The following MYCBP2 variants were observed in gnomAD, a reference collection of about 807,000 sequenced individuals.
MYCBP2 encodes the protein MYC binding protein 2, also known as E3 ubiquitin-protein ligase MYCBP2.
A neutral mutation model predicts 525.3 loss-of-function variants in MYCBP2; 120 were observed. The ratio of observed to expected loss-of-function variants is 0.23; its 90% CI spans 0.20 to 0.27. The LOEUF (loss-of-function observed/expected upper bound fraction) is 0.27. Ranked by LOEUF, MYCBP2 falls within the 10% of genes least tolerant of loss-of-function variation. MYCBP2 has a pLI of 1.00. For missense variants in MYCBP2, 4,149 were observed against 5,657.1 expected, an observed-to-expected ratio of 0.73 and a Z score of 8.55; for synonymous variants, 1,894 against 1,955.8, an observed-to-expected ratio of 0.97 and a Z score of 0.83.
At chr13:77,174,143 T>TCC (rs1662040717) in intron 37 of MYCBP2, among the ~76,000 whole-genome samples, 168 bp downstream of exon 37, 3 of 152,250 alleles carry the variant, frequency 2.0e-5, no homozygotes, top group Admixed American at 1.3e-4. Flanking sequence ...AAACATTGAA[T>TCC]TTATATATTA....
At chr13:77,152,595 T>C (rs911038366) in intron 46 of MYCBP2, among the ~76,000 whole-genome samples, 4 of 152,118 alleles carry the variant, frequency 2.6e-5, no homozygotes, top group African/African-American at 9.7e-5. Context: ...AAGAGACAAG[T>C]GGCGAATACC....
At chr13:77,163,175 T>C (rs1483630265) in intron 43 of MYCBP2, among the ~76,000 whole-genome samples, 1 of 152,176 alleles carries the variant, frequency 6.6e-6, no homozygotes. Context: ...GCTATATTAA[T>C]CCACCCTTCA....
chr13:77,251,145 T>C lies in MYCBP2; in HGVS notation c.2381+6A>G. 6.2e-7 allele frequency: 1 copy of C among 1,613,284 alleles called. No individual in the cohort carries two copies. Among genetic ancestry groups the C allele is most frequent in the Non-Finnish European group, 8.5e-7 (1 of 1,179,846 alleles). On this transcript the variant is annotated splice_donor_region_variant and intron_variant, in intron 15 of 82. Coordinates refer to ENST00000544440, the MANE Select transcript of MYCBP2 (RefSeq NM_015057.5). ...ATGTTCTTTAGTAGGAATCATTGTC[T>C]CTTACCCTCCGGGGACTCTGTCTGG...
intron 1 of MYCBP2, among the ~76,000 whole-genome samples, chr13:77,304,585 C>G (rs1467065492): frequency 6.6e-6 from 1 of 152,032 alleles, no homozygotes; most frequent in Non-Finnish European, 1.5e-5. Flanking sequence ...CAACTTCAAA[C>G]AGCTAGAAGA....
intron 52 of MYCBP2, among the ~76,000 whole-genome samples, chr13:77,133,602 G>A (rs2053266470): frequency 6.6e-6 from 1 of 152,144 alleles, no homozygotes; most frequent in South Asian, 2.1e-4. Flanking sequence ...AAAGAAGTAA[G>A]CCTTCTCTAC....
intron 35 of MYCBP2, among the ~76,000 whole-genome samples, chr13:77,176,983 C>T (rs931757680): frequency 2.6e-5 from 4 of 152,016 alleles, no homozygotes; most frequent in African/African-American, 9.7e-5. Flanking sequence ...GATTTACATG[C>T]TACCCCATCT....
At chr13:77,200,696 A>G (rs1243190136) in intron 26 of MYCBP2, among the ~76,000 whole-genome samples, 25 of 152,342 alleles carry the variant, frequency 1.6e-4, no homozygotes, top group African/African-American at 3.8e-4. Flanking sequence ...CGGATCTCTC[A>G]GCAGAAACTC....
intron 29 of MYCBP2, among the ~76,000 whole-genome samples, chr13:77,189,963 G>T (rs1384724803): frequency 6.6e-6 from 1 of 152,050 alleles, no homozygotes; most frequent in Non-Finnish European, 1.5e-5. Flanking sequence ...AAATTAGTAA[G>T]AAAATCAATG....
chr13:77,217,881 G>C lies in MYCBP2; in HGVS notation c.3016C>G (p.Leu1006Val). 1.9e-6 allele frequency: 3 copies of C among 1,610,440 alleles called. 1 individual carries two copies. The highest frequency in any genetic ancestry group is 2.5e-6 in the Non-Finnish European group (3 of 1,178,316). Residue 1006 changes from leucine to valine, a missense_variant, in exon 21 of 83, where the codon CTT becomes GTT. By Grantham distance (32) the Leu-to-Val change is conservative. Coordinates refer to ENST00000544440, the MANE Select transcript of MYCBP2 (RefSeq NM_015057.5). Reference protein sequence around the residue: ...VTAGSNHTAVLLMDGQVFTFG... With the variant: ...VTAGSNHTAVVLMDGQVFTFG... ...GTGAAGACCTGTCCATCCATTAAAA[G>C]TACTGCCGTATGGTTGCTGCCTGCA...
chr13:77,288,073 A>G (rs2077071537), intron 3 of MYCBP2, 88 bp downstream of exon 3: 1 of 1,306,932 alleles, frequency 7.7e-7, no homozygotes, highest in Admixed American at 2.2e-5. Context: ...TACATAAAGC[A>G]AAGTATTTTA....
chr13:77,257,610 T>G, intron 14 of MYCBP2, 61 bp downstream of exon 14: 1 of 1,435,732 alleles, frequency 7.0e-7, no homozygotes, highest in African/African-American at 1.4e-5. Flanking sequence ...TTCACTATGT[T>G]GTTCTGAAAA....
intron 24 of MYCBP2, among the ~76,000 whole-genome samples, chr13:77,206,162 A>G (rs941651187): frequency 1.3e-5 from 2 of 152,022 alleles, no homozygotes; most frequent in African/African-American, 2.4e-5. Context: ...ATTTCCAGTT[A>G]CAAAATAATA....
intron 62 of MYCBP2, among the ~76,000 whole-genome samples, chr13:77,085,758 T>C (rs1594382428): frequency 6.6e-6 from 1 of 152,112 alleles, no homozygotes; most frequent in East Asian, 1.9e-4. Context: ...ATAAAAGAGC[T>C]CAGGGGGTAC....
chr13:77,060,391 T>C (rs976606494), intron 76 of MYCBP2, among the ~76,000 whole-genome samples: 20 of 152,216 alleles, frequency 1.3e-4, no homozygotes, highest in African/African-American at 4.8e-4. Context: ...AAATCAACTA[T>C]GAGAAAAGAA....
At chr13:77,157,484 A>G (rs974234886) in intron 45 of MYCBP2, among the ~76,000 whole-genome samples, 1 of 152,194 alleles carries the variant, frequency 6.6e-6, no homozygotes, top group Non-Finnish European at 1.5e-5. Context: ...TCAGCCTCCT[A>G]AAGTGCTGGG....
At chr13:77,314,532 G>C (rs1004294701) in intron 1 of MYCBP2, among the ~76,000 whole-genome samples, 4 of 152,186 alleles carry the variant, frequency 2.6e-5, no homozygotes, top group African/African-American at 9.7e-5. Context: ...GCCACATACT[G>C]TATGATTTCA....
chr13:77,087,498 C>T lies in MYCBP2; in HGVS notation c.10861G>A (p.Glu3621Lys). 1 of 1,610,566 alleles carries T rather than the reference C, an allele frequency of 6.2e-7. No individual in the cohort carries two copies. Among genetic ancestry groups the T allele is most frequent in the Non-Finnish European group, 8.5e-7 (1 of 1,178,078 alleles). The part of the protein sequence containing the change: ...EEDEENKTSK[E>K]NSEQEKDTRV... The stretch of plus-strand genomic sequence containing the variant: ...ATTTCATTTACTTGTTCTGAATTTT[C>T]TTTGCTTGTTTTATTTTCTTCATCC... Residue 3621 changes from glutamate to lysine, a missense_variant, in exon 62 of 83, where the codon GAA becomes AAA. By Grantham distance (56) the Glu-to-Lys change is moderately conservative. Transcript: ENST00000544440.
At chr13:77,176,732 T>G in intron 35 of MYCBP2, 104 bp from the exon 36 acceptor site, 2 of 972,220 alleles carry the variant, frequency 2.1e-6, no homozygotes. Context: ...TTTTCTTGAA[T>G]ATAAAATTAG....
chr13:77,089,626 A>G (rs1033543849), intron 60 of MYCBP2, among the ~76,000 whole-genome samples: 1 of 149,884 alleles, frequency 6.7e-6, no homozygotes, highest in Non-Finnish European at 1.5e-5. Flanking sequence ...GTTGATACCA[A>G]CTGGTCCAGA....
Sources: gnomAD v4.1 joint callset for allele counts (sites outside exome capture counted in the v4.1 genomes callset) on GRCh38, gnomAD v4.1.1 for gene constraint, MANE v1.5 for transcripts, NCBI Gene and HGNC (gene_info 2026-07-23, HGNC 2026-07-21) for gene names.